Variants in KANSL1 observed in about 807,000 individuals in gnomAD.
The protein encoded by KANSL1 is MLL1/MLL complex subunit KANSL1.
Under a neutral mutation model 103.6 loss-of-function variants are expected in KANSL1, and 22 were observed. The observed-to-expected ratio is 0.21, with a 90% CI of 0.15 to 0.30. The LOEUF is 0.30. KANSL1 is among the 10% of genes least tolerant of loss of function. The pLI, the probability that KANSL1 is intolerant of heterozygous loss-of-function variation, is 1.00. For synonymous variants in KANSL1, 600 were observed against 527.6 expected (o/e 1.14, Z -1.88); for missense variants, 1,337 against 1,399.8 (o/e 0.96, Z 0.72).
At chr17:46,038,945 G>A in intron 9 of KANSL1, 82 bp downstream of exon 9, 2 of 1,492,910 alleles carry the variant, frequency 1.3e-6, no homozygotes, top group Non-Finnish European at 1.8e-6. Context: ...AAAGCTGGGG[G>A]TAATTAAGAG....
chr17:46,156,163 C>G (rs553209521), intron 2 of KANSL1, among the ~76,000 whole-genome samples: 3 of 152,290 alleles, frequency 2.0e-5, no homozygotes, highest in Non-Finnish European at 2.9e-5. Context: ...GCCTGACCAA[C>G]ATGGTGAAAC....
chr17:46,092,923 C>T (rs1215175495), intron 3 of KANSL1: 9 of 152,110 alleles, frequency 5.9e-5, no homozygotes, highest in Non-Finnish European at 1.3e-4. Flanking sequence ...GTACATCTTA[C>T]AATCAATAGC....
At chr17:46,055,491 T>C (rs957303603) in intron 6 of KANSL1, among the ~76,000 whole-genome samples, 1 of 149,840 alleles carries the variant, frequency 6.7e-6, no homozygotes, top group Non-Finnish European at 1.5e-5. Context: ...TGAAAAAAGA[T>C]TATATTCTTG....
chr17:46,151,518 T>C (rs1000577947), intron 2 of KANSL1, among the ~76,000 whole-genome samples: 1 of 152,264 alleles, frequency 6.6e-6, no homozygotes, highest in African/African-American at 2.4e-5. Flanking sequence ...TTTATATCTC[T>C]TTATAGCACT....
chr17:46,160,128 C>G (rs1197201956), intron 2 of KANSL1, among the ~76,000 whole-genome samples: 3 of 152,208 alleles, frequency 2.0e-5, no homozygotes, highest in Non-Finnish European at 4.4e-5. Context: ...AACTGTAAAA[C>G]AGGGTATCAT....
At chr17:46,047,312 C>A (rs2146448688) in intron 7 of KANSL1, among the ~76,000 whole-genome samples, 1 of 152,322 alleles carries the variant, frequency 6.6e-6, no homozygotes, top group South Asian at 2.1e-4. Flanking sequence ...CTCTCTAGGA[C>A]AAGGGTTAGC....
chr17:46,096,318 T>TTTTTTTTTTTTTTTTTTTTTTTTC (rs2042078516), intron 2 of KANSL1, among the ~76,000 whole-genome samples: 4 of 134,486 alleles, frequency 3.0e-5, no homozygotes, highest in African/African-American at 1.1e-4. Context: ...TTTCTTTTTT[T>TTTTTTTTTTTTTTTTTTTTTTTTC]TTTTTTTTTT....
upstream of KANSL1, chr17:46,193,715 A>G: frequency 7.8e-6 from 2 of 256,554 alleles, no homozygotes; most frequent in Non-Finnish European, 1.6e-5. Context: ...CGGCAGGGGG[A>G]AGCCAGCCCT....
chr17:46,031,812 A>G, intron 14 of KANSL1, 109 bp from the exon 15 acceptor site: 1 of 1,133,924 alleles, frequency 8.8e-7, no homozygotes, highest in Non-Finnish European at 1.3e-6. Context: ...CAGTCTATCT[A>G]GTGTTCCTGC....
At chr17:46,153,362 A>G (rs993173710) in intron 2 of KANSL1, among the ~76,000 whole-genome samples, 1 of 152,264 alleles carries the variant, frequency 6.6e-6, no homozygotes, top group Non-Finnish European at 1.5e-5. Context: ...TTTACTCGGT[A>G]AAATAGTACA....
rs373826656 is a variant in KANSL1 at position 46,208,095 on chromosome 17, GC to G, written c.-90+15575del. Among the ~76,000 whole-genome samples, 305 of 110,444 alleles carry G rather than the reference GC, an allele frequency of 2.8e-3. 2 individuals carry two copies. The highest frequency in any genetic ancestry group is 7.8e-3 in the African/African-American group (289 of 37,144). 72.5% of individuals were successfully genotyped at this position (110,444 alleles called of 152,430 possible). A position where few individuals can be genotyped will look rare whatever the true frequency, so the allele number is the denominator to read the frequency against. ...CACTGCACTCCAACCTGGGTGAAAG[GC>G]AAAAATCCGTCTCAAAAAAAAAAAA... On this transcript the variant is annotated intron_variant, in intron 1 of 14. Transcript: ENST00000572904.
At chr17:46,157,024 G>C (rs961263942) in intron 2 of KANSL1, 2 of 152,052 alleles carry the variant, frequency 1.3e-5, no homozygotes, top group Non-Finnish European at 2.9e-5. Context: ...CTTGCCCTTT[G>C]GTGGCAAGGT....
At chr17:46,165,281 G>GA (rs1234153644) in intron 2 of KANSL1, among the ~76,000 whole-genome samples, 2 of 152,102 alleles carry the variant, frequency 1.3e-5, no homozygotes, top group African/African-American at 4.8e-5. Context: ...CGCCCAGGCT[G>GA]GAGTGCAGTG....
At chr17:46,096,588 G>A (rs1220352763) in intron 2 of KANSL1, among the ~76,000 whole-genome samples, 2 of 151,880 alleles carry the variant, frequency 1.3e-5, no homozygotes, top group African/African-American at 2.4e-5. Context: ...CCAAAGTGCT[G>A]GGATTACAGG....
rs184156562 is a variant in KANSL1, at chr17:46,116,256, C to T, written c.1290-21555G>A. On this transcript the variant is annotated intron_variant, in intron 2 of 14. Coordinates refer to ENST00000432791, the MANE Select transcript of KANSL1 (RefSeq NM_015443.4). ...GTCAAAAAAAACCATTACTGCGGGG[C>T]GCAGTGGCTCACGCCTGTAATCCCA... Among the ~76,000 whole-genome samples the T allele has an allele frequency of 3.3e-5, 5 of 152,346 alleles. No homozygotes were observed. In the East Asian group the frequency reaches 9.6e-4, roughly 29 times the overall value.
Position 46,033,136 on chromosome 17 carries a change from C to T in KANSL1, c.2781G>A (p.Met927Ile). Residue 927 changes from methionine to isoleucine, a missense_variant, in exon 13 of 15, where the codon ATG becomes ATA. Physicochemically the swap from Met to Ile is conservative, Grantham distance 10. Transcript: ENST00000432791. ...TGGTCCACAGCCACCGTGCCCTCTC[C>T]ATCTCCTCACATTTGGCATGCAGGG... ...FAALHAKCEEMERARWLWTTS... is the reference protein window; with the variant it reads ...FAALHAKCEEIERARWLWTTS... 2 of 1,606,200 alleles carry T rather than the reference C, an allele frequency of 1.2e-6. No individual in the cohort carries two copies. Among genetic ancestry groups the T allele is most frequent in the Non-Finnish European group, 1.7e-6 (2 of 1,176,092 alleles).
intron 1 of KANSL1, among the ~76,000 whole-genome samples, chr17:46,210,253 T>A (rs1018575688): frequency 6.6e-6 from 1 of 152,002 alleles, no homozygotes; most frequent in Non-Finnish European, 1.5e-5. Context: ...GGCGGGTGGA[T>A]CATGAGGTCA....
At chr17:46,066,414 A>G (rs1178762318) in intron 6 of KANSL1, 123 bp downstream of exon 6, 1 of 734,042 alleles carries the variant, frequency 1.4e-6, no homozygotes, top group Non-Finnish European at 2.0e-6. Flanking sequence ...AGTATTTTAT[A>G]AAGCTCCCCA....
chr17:46,083,732 T>A (rs906364473), intron 3 of KANSL1, among the ~76,000 whole-genome samples: 2 of 112,764 alleles, frequency 1.8e-5, no homozygotes, highest in Admixed American at 1.9e-4. Context: ...AAAGCTCCCC[T>A]GGTAAGTCCT....
Sources: gnomAD v4.1 joint callset for allele counts (sites outside exome capture counted in the v4.1 genomes callset) on GRCh38, gnomAD v4.1.1 for gene constraint, MANE v1.5 for transcripts, NCBI Gene and HGNC (gene_info 2026-07-23, HGNC 2026-07-21) for gene names.